Variants in THOC2 observed in about 807,000 individuals in gnomAD.
THOC2 encodes the protein THO complex subunit 2.
In THOC2, 10 loss-of-function variants were observed where a neutral mutation model predicts 128.4. The ratio of observed to expected loss-of-function variants is 0.08; its 90% confidence interval spans 0.05 to 0.13. The LOEUF is 0.13. Ranked by LOEUF, THOC2 falls within the 10% of genes least tolerant of loss-of-function variation. The pLI is 1.00. For missense variants in THOC2, 535 were observed against 1,155.7 expected, an observed-to-expected ratio of 0.46 and a Z score of 7.79; for synonymous variants, 393 against 396.9, an observed-to-expected ratio of 0.99 and a Z score of 0.12.
intron 4 of THOC2, among the ~76,000 whole-genome samples, chrX:123,700,089 T>C (rs1046597281): frequency 4.5e-5 from 5 of 111,189 alleles, no homozygotes; most frequent in African/African-American, 1.6e-4. Context: ...CCAGCTCTAG[T>C]GCCCAGCATC....
At chrX:123,693,704 T>C (rs181569780) in intron 7 of THOC2, among the ~76,000 whole-genome samples, 1 of 110,671 alleles carries the variant, frequency 9.0e-6, no homozygotes, top group Non-Finnish European at 1.9e-5. Flanking sequence ...AAAACCCCAG[T>C]CCTCACAGAG....
chrX:123,625,562 G>A (rs191961907), intron 25 of THOC2, among the ~76,000 whole-genome samples: 1 of 107,084 alleles, frequency 9.3e-6, no homozygotes, highest in East Asian at 2.9e-4. Flanking sequence ...GAATGGAGAA[G>A]AGAGTTCTAC....
chrX:123,655,744 C>G (rs1445671959), intron 12 of THOC2, among the ~76,000 whole-genome samples: 1 of 111,064 alleles, frequency 9.0e-6, no homozygotes, highest in African/African-American at 3.3e-5. Context: ...TCAGGTTTTA[C>G]TAAGCTTTAT....
rs143297199 is a variant in THOC2 at position 123,681,788 on chromosome X, T to C, written c.768+4760A>G. On this transcript the variant is annotated intron_variant, in intron 8 of 38. Coordinates refer to ENST00000245838, the MANE Select transcript of THOC2 (RefSeq NM_001081550.2). ...TTGGAAAATATGAATACAGTCTAGGTTTATTATATGACAGTAATCTAATTA... is the reference window on the plus strand; with the variant it reads ...TTGGAAAATATGAATACAGTCTAGGCTTATTATATGACAGTAATCTAATTA... Among the ~76,000 whole-genome samples the C allele has an allele frequency of 2.0e-3, 222 of 112,241 alleles. 1 individual carries two copies. The highest frequency in any genetic ancestry group is 6.9e-3 in the African/African-American group (212 of 30,940).
At chrX:123,723,713 A>G (rs1569453997) in intron 1 of THOC2, among the ~76,000 whole-genome samples, 1 of 112,167 alleles carries the variant, frequency 8.9e-6, no homozygotes, top group South Asian at 3.7e-4. Flanking sequence ...TAAATATTCA[A>G]TGATTTCATT....
At chrX:123,642,183 T>G (rs1367853870) in intron 15 of THOC2, among the ~76,000 whole-genome samples, 1 of 111,909 alleles carries the variant, frequency 8.9e-6, no homozygotes, top group African/African-American at 3.2e-5. Flanking sequence ...CCCACCACTT[T>G]GGGAGGCCAA....
intron 1 of THOC2, among the ~76,000 whole-genome samples, chrX:123,722,425 G>T (rs2051743089): frequency 9.0e-6 from 1 of 111,174 alleles, no homozygotes; most frequent in South Asian, 3.8e-4. Flanking sequence ...CAGGGACATG[G>T]ATGAAGCTGG....
intron 4 of THOC2, among the ~76,000 whole-genome samples, chrX:123,702,586 T>C (rs1352637542): frequency 9.5e-6 from 1 of 105,240 alleles, no homozygotes; most frequent in Non-Finnish European, 1.9e-5. Flanking sequence ...ATATATTATA[T>C]ATATCTGTAT....
At chrX:123,643,040 A>G (rs1312181440) in intron 15 of THOC2, among the ~76,000 whole-genome samples, 2 of 112,053 alleles carry the variant, frequency 1.8e-5, no homozygotes, top group Non-Finnish European at 3.8e-5. Context: ...CTGGCAGTTT[A>G]TGCTAGGGAA....
chrX:123,721,440 T>G (rs1271527567), intron 1 of THOC2, among the ~76,000 whole-genome samples: 1 of 107,732 alleles, frequency 9.3e-6, no homozygotes, highest in African/African-American at 3.4e-5. Context: ...CCCAAACTGC[T>G]GGAATTACAG....
At chrX:123,665,440 C>G (rs1417609221) in intron 12 of THOC2, among the ~76,000 whole-genome samples, 1 of 111,407 alleles carries the variant, frequency 9.0e-6, no homozygotes, top group African/African-American at 3.3e-5. Context: ...GACGAATCAC[C>G]TAATGATGCA....
chrX:123,677,150 CA>C (rs1174656544), intron 8 of THOC2, among the ~76,000 whole-genome samples: 1 of 111,278 alleles, frequency 9.0e-6, no homozygotes, highest in African/African-American at 3.3e-5. Context: ...AACTGTAACA[CA>C]ATGATAAGTG....
In THOC2 at chrX:123,640,628, G is replaced by A; in HGVS notation, c.1662-6C>T. 8.9e-7 allele frequency: 1 copy of A among 1,124,324 alleles called. No individual in the cohort carries two copies. Among genetic ancestry groups the A allele is most frequent in the African/African-American group, 1.8e-5 (1 of 55,353 alleles). 92.7% of individuals were successfully genotyped at this position (1,124,324 alleles called of 1,213,427 possible). A position where few individuals can be genotyped will look rare whatever the true frequency, so the allele number is the denominator to read the frequency against. On this transcript the variant is annotated splice_polypyrimidine_tract_variant and splice_region_variant and intron_variant, in intron 15 of 38. Transcript: ENST00000245838. ...CATTTTCCTTGGTTAGGCGCCTACGGAGGAAGAAAAAGGTGGCACGGATCA... is the reference window on the plus strand; with the variant it reads ...CATTTTCCTTGGTTAGGCGCCTACGAAGGAAGAAAAAGGTGGCACGGATCA...
chrX:123,612,007 A>T (rs1308174795), intron 36 of THOC2, among the ~76,000 whole-genome samples: 1 of 111,202 alleles, frequency 9.0e-6, no homozygotes, highest in Non-Finnish European at 1.9e-5. Flanking sequence ...ATAATAAAAA[A>T]CAAAAACAGA....
chrX:123,618,593 C>A (rs1352256391), intron 33 of THOC2, among the ~76,000 whole-genome samples: 5 of 111,724 alleles, frequency 4.5e-5, no homozygotes, highest in African/African-American at 1.3e-4. Context: ...GAAAAATAGG[C>A]TTCATTCTGC....
At chrX:123,673,446 C>A (rs1569408116) in intron 8 of THOC2, among the ~76,000 whole-genome samples, 1 of 112,081 alleles carries the variant, frequency 8.9e-6, no homozygotes, top group East Asian at 2.8e-4. Context: ...AACAAACTCA[C>A]AAAAGCTTAT....
At position 123,685,670 on chromosome X, in the gene THOC2, A is replaced by C. The variant is rs760393621; in HGVS notation, c.768+878T>G. Among the ~76,000 whole-genome samples the C allele has an allele frequency of 1.2e-3, 131 of 111,955 alleles. 1 individual carries two copies. Among genetic ancestry groups the C allele is most frequent in the Admixed American group, 3.7e-3 (39 of 10,484 alleles). On this transcript the variant is annotated intron_variant, in intron 8 of 38. Transcript: ENST00000245838. ...GAAGTGCTATTTCTGCCACATTTAGAAGTTTGAATTTCATCCTAGAAGTAA... is the reference window on the plus strand; with the variant it reads ...GAAGTGCTATTTCTGCCACATTTAGCAGTTTGAATTTCATCCTAGAAGTAA...
At chrX:123,668,969 A>G (rs1403231397) in intron 9 of THOC2, among the ~76,000 whole-genome samples, 1 of 111,750 alleles carries the variant, frequency 8.9e-6, no homozygotes, top group Admixed American at 9.5e-5. Context: ...CATTTATAAA[A>G]TAACCCTAAC....
At chrX:123,674,409 C>T (rs746115453) in intron 8 of THOC2, among the ~76,000 whole-genome samples, 1 of 112,081 alleles carries the variant, frequency 8.9e-6, no homozygotes, top group African/African-American at 3.2e-5. Flanking sequence ...AATGCTTGCA[C>T]AGAATATGTT....
Sources: gnomAD v4.1 joint callset for allele counts (sites outside exome capture counted in the v4.1 genomes callset) on GRCh38, gnomAD v4.1.1 for gene constraint, MANE v1.5 for transcripts, NCBI Gene and HGNC (gene_info 2026-07-23, HGNC 2026-07-21) for gene names.